Variants in CFH observed in about 807,000 individuals in gnomAD.
The protein encoded by CFH is H factor 1 (complement).
A neutral mutation model predicts 147.3 loss-of-function variants in CFH; 53 were observed. The ratio of observed to expected loss-of-function variants is 0.36; its 90% CI spans 0.29 to 0.45. The LOEUF is 0.45. CFH is among the 20% of genes least tolerant of loss of function. The pLI is 1.00. For synonymous variants in CFH, 536 were observed against 489.4 expected (o/e 1.10, Z -1.26); for missense variants, 1,380 against 1,498.0 (o/e 0.92, Z 1.30).
chr1:196,705,850 A>T (rs917378788), intron 9 of CFH, among the ~76,000 whole-genome samples: 2 of 152,170 alleles, frequency 1.3e-5, no homozygotes, highest in Non-Finnish European at 2.9e-5. Flanking sequence ...AAGACTGAAT[A>T]GGTATCAGGT....
In CFH at chr1:196,673,958, G is replaced by A; in HGVS notation, c.346G>A (p.Glu116Lys). Residue 116 changes from glutamate (E) to lysine (K), a missense_variant, in exon 3 of 22, where the codon GAG becomes AAG. Transcript: ENST00000367429. ...TGTAAAAGCTGTGTATACATGTAATGAGGGGTATGTAGTCCATACGAAAAG... is the reference window on the plus strand; with the variant it reads ...TGTAAAAGCTGTGTATACATGTAATAAGGGGTATGTAGTCCATACGAAAAG... ...YGVKAVYTCN[E>K]GYQLLGEINY... 4 of 1,600,352 alleles carry A rather than the reference G, an allele frequency of 2.5e-6. No homozygotes were observed. The highest frequency in any genetic ancestry group is 2.6e-6 in the Non-Finnish European group (3 of 1,167,704).
intron 6 of CFH, among the ~76,000 whole-genome samples, 159 bp from the exon 7 acceptor site, chr1:196,684,905 G>A (rs1667774109): frequency 6.6e-6 from 1 of 151,964 alleles, no homozygotes; most frequent in African/African-American, 2.4e-5. Flanking sequence ...GGAAAAATAA[G>A]TGATATACCA....
chr1:196,727,061 T>C (rs1669160199), intron 14 of CFH, 121 bp downstream of exon 14: 2 of 835,672 alleles, frequency 2.4e-6, no homozygotes, highest in Non-Finnish European at 4.0e-6. Flanking sequence ...GTCTTCAATA[T>C]GAGACCAATC....
intron 1 of CFH, among the ~76,000 whole-genome samples, chr1:196,672,169 T>C (rs1367515451): frequency 6.6e-6 from 1 of 152,174 alleles, no homozygotes; most frequent in Non-Finnish European, 1.5e-5. Context: ...TCCTTATGTT[T>C]GGTTCTTTCT....
intron 9 of CFH, among the ~76,000 whole-genome samples, chr1:196,705,431 T>C (rs1668564223): frequency 6.6e-6 from 1 of 152,150 alleles, no homozygotes; most frequent in African/African-American, 2.4e-5. Context: ...TTTGGGCTTA[T>C]AGCAAAATGT....
intron 9 of CFH, among the ~76,000 whole-genome samples, chr1:196,709,030 A>G (rs1668661612): frequency 6.6e-6 from 1 of 152,152 alleles, no homozygotes; most frequent in Non-Finnish European, 1.5e-5. Flanking sequence ...CAACGGAACT[A>G]CACTTGATTT....
In CFH at chr1:196,696,887, A is replaced by T. The variant is rs1009668895; in HGVS notation, c.1336+6648A>T. Reference sequence around the variant, plus strand: ...CCATCTGATCTTTGACAAACCTGAGAAAAACAAGAAATGGGAAAAGGATTC... The same window carrying T: ...CCATCTGATCTTTGACAAACCTGAGTAAAACAAGAAATGGGAAAAGGATTC... On this transcript the variant is annotated intron_variant, in intron 9 of 21. Transcript: ENST00000367429. 2.0e-5 allele frequency among the ~76,000 whole-genome samples: 3 copies of T among 152,330 alleles called. No homozygotes were observed. The East Asian group carries it at 5.8e-4, about 29-fold the overall frequency.
intron 9 of CFH, among the ~76,000 whole-genome samples, chr1:196,696,353 A>G (rs539801692): frequency 6.6e-6 from 1 of 152,300 alleles, no homozygotes; most frequent in Non-Finnish European, 1.5e-5. Flanking sequence ...CCTGCTACTG[A>G]ATGACTACTG....
intron 9 of CFH, among the ~76,000 whole-genome samples, chr1:196,702,480 C>G (rs1245749909): frequency 2.0e-5 from 3 of 149,578 alleles, no homozygotes; most frequent in Admixed American, 6.7e-5. Context: ...AATAATATGC[C>G]TATTTATTGA....
At chr1:196,719,758 TA>T (rs1668955474) in intron 11 of CFH, among the ~76,000 whole-genome samples, 1 of 151,664 alleles carries the variant, frequency 6.6e-6, no homozygotes, top group African/African-American at 2.4e-5. Context: ...TGAATCAGAA[TA>T]ATTATCAAAT....
rs544974922 is a variant in CFH at position 196,742,908 on chromosome 1, T to C, written c.3134-544T>C. Among the ~76,000 whole-genome samples the C allele has an allele frequency of 2.0e-5, 3 of 152,350 alleles. No individual in the cohort carries two copies. The East Asian group carries it at 5.8e-4, about 29-fold the overall frequency. ...AAAAAATTTTTCCACATCTCCAATTTGGATCCTTTGATTAACCATTCTTCC... is the reference window on the plus strand; with the variant it reads ...AAAAAATTTTTCCACATCTCCAATTCGGATCCTTTGATTAACCATTCTTCC... On this transcript the variant is annotated intron_variant, in intron 19 of 21. Transcript: ENST00000367429.
intron 9 of CFH, among the ~76,000 whole-genome samples, chr1:196,693,188 G>A (rs1668125574): frequency 6.6e-6 from 1 of 151,934 alleles, no homozygotes; most frequent in Admixed American, 6.6e-5. Flanking sequence ...GTGAGAATAT[G>A]CAGAAAAAAT....
chr1:196,711,772 T>C (rs554845664), intron 9 of CFH, among the ~76,000 whole-genome samples: 3 of 152,220 alleles, frequency 2.0e-5, no homozygotes, highest in South Asian at 4.1e-4. Flanking sequence ...GTTGTGTGTG[T>C]GCTCTGGGAA....
At position 196,736,808 on chromosome 1, in the gene CFH, T is replaced by G. The variant is rs1248341438; in HGVS notation, c.2414-16T>G. The G allele has an allele frequency of 1.6e-6, 2 of 1,235,000 alleles. No individual in the cohort carries two copies. The highest frequency in any genetic ancestry group is 2.9e-5 in the South Asian group (1 of 34,930). The allele number at this position is 1,235,000 out of a possible 1,614,324, so 76.5% of individuals were successfully genotyped here. On this transcript the variant is annotated splice_polypyrimidine_tract_variant and intron_variant, in intron 15 of 21. Transcript: ENST00000367429. The stretch of plus-strand genomic sequence containing the variant: ...TTTTTTATTATAACATTAATTATAT[T>G]TTTAATATTTTTTAGTGGCACAAAT...
chr1:196,692,944 G>T (rs1194611092), intron 9 of CFH, among the ~76,000 whole-genome samples: 3 of 76,398 alleles, frequency 3.9e-5, no homozygotes, highest in African/African-American at 1.1e-4. Flanking sequence ...CTTTCCTTTT[G>T]TCCCAAGTTT....
In CFH at chr1:196,745,866, T is replaced by C; in HGVS notation, c.3360T>C (p.Ile1120=). The part of the protein sequence containing the change: ...GPPPPIDNGD[I]TSFPLSVYAP... ...CTCCACCTATTGACAATGGGGACAT[T>C]ACTTCATTCCCGTTGTCAGTATATG... Residue 1120 remains isoleucine (I), a synonymous_variant, in exon 21 of 22, where the codon ATT becomes ATC. Transcript: ENST00000367429. The C allele has an allele frequency of 2.5e-6, 4 of 1,614,160 alleles. No homozygotes were observed. Among genetic ancestry groups the C allele is most frequent in the Admixed American group, 1.7e-5 (1 of 60,018 alleles).
At chr1:196,685,632 A>G (rs1004113249) in intron 7 of CFH, among the ~76,000 whole-genome samples, 4 of 152,136 alleles carry the variant, frequency 2.6e-5, no homozygotes, top group Non-Finnish European at 4.4e-5. Context: ...AATGGCTTAT[A>G]TAAGTAGTTG....
In CFH at chr1:196,677,527, G is replaced by A; in HGVS notation, c.479G>A (p.Ser160Asn). Reference sequence around the variant, plus strand: ...CCAGAGAATGGAAAAATTGTCAGTAGTGCAATGGAACCAGATCGGGAATAC... The same window carrying A: ...CCAGAGAATGGAAAAATTGTCAGTAATGCAATGGAACCAGATCGGGAATAC... ...TAPENGKIVS[S>N]AMEPDREYHF... The change falls in exon 5 of 22, where the codon AGT becomes AAT. Residue 160 changes from serine (S) to asparagine (N), a missense_variant. Ser to Asn is a conservative substitution (Grantham distance 46). This residue lies in a region of CFH where 260 missense variants were observed against 263.3 expected (regional missense o/e 0.99). Transcript: ENST00000367429. 6.2e-7 allele frequency: 1 copy of A among 1,613,238 alleles called. No individual in the cohort carries two copies. Among genetic ancestry groups the A allele is most frequent in the Non-Finnish European group, 8.5e-7 (1 of 1,179,450 alleles).
chr1:196,704,131 G>A (rs1330962698), intron 9 of CFH, among the ~76,000 whole-genome samples: 1 of 151,902 alleles, frequency 6.6e-6, no homozygotes, highest in Non-Finnish European at 1.5e-5. Flanking sequence ...AGGCTGGACT[G>A]TGGTGGCACG....
Sources: allele counts gnomAD v4.1 joint callset (sites outside exome capture counted in the v4.1 genomes callset), GRCh38; gene constraint gnomAD v4.1.1; regional missense constraint gnomAD v4.1.1; transcripts MANE v1.5; gene names NCBI Gene and HGNC (gene_info 2026-07-23, HGNC 2026-07-21).